Variants in JMJD1C observed in about 807,000 individuals in gnomAD.
JMJD1C encodes the protein jumonji domain-containing protein 1C.
A neutral mutation model predicts 245.3 loss-of-function variants in JMJD1C; 31 were observed. The observed-to-expected ratio is 0.13, with a 90% confidence interval of 0.09 to 0.17. The LOEUF is 0.17. Ranked by LOEUF, JMJD1C falls within the 10% of genes least tolerant of loss-of-function variation. The pLI is 1.00. For missense variants in JMJD1C, 2,691 were observed against 3,000.2 expected, an observed-to-expected ratio of 0.90 and a Z score of 2.41; for synonymous variants, 1,057 against 1,017.4, an observed-to-expected ratio of 1.04 and a Z score of -0.74.
chr10:63,475,159 T>C (rs1435251398), intron 1 of JMJD1C, among the ~76,000 whole-genome samples: 1 of 152,220 alleles, frequency 6.6e-6, no homozygotes, highest in African/African-American at 2.4e-5. Context: ...TCATTATTAC[T>C]TGCAACATAT....
chr10:63,289,140 G>T (rs186407014), intron 2 of JMJD1C, among the ~76,000 whole-genome samples: 269 of 152,050 alleles, frequency 1.8e-3, no homozygotes, highest in Middle Eastern at 3.4e-3. Context: ...AGTACACATG[G>T]ATAATACCAT....
rs935276855 is a variant in JMJD1C at position 63,202,252 on chromosome 10, T to C, written c.5075-1575A>G. ...CTGGGTGACGGAGTAAGACTCTGTC[T>C]AAAAATATATATAAATAAAAGCAAG... On this transcript the variant is annotated intron_variant, in intron 10 of 25. Transcript: ENST00000399262. 8.3e-6 allele frequency: 8 copies of C among 968,024 alleles called. No homozygotes were observed. In the South Asian group the frequency reaches 2.9e-4, roughly 35 times the overall value. 60.0% of individuals were successfully genotyped at this position (968,024 alleles called of 1,614,324 possible). A position where few individuals can be genotyped will look rare whatever the true frequency, so the allele number is the denominator to read the frequency against.
intron 13 of JMJD1C, chr10:63,194,753 G>GACA (rs1564584357): frequency 1.1e-5 from 2 of 175,282 alleles, no homozygotes; most frequent in African/African-American, 4.8e-5. Flanking sequence ...ACATCAGACT[G>GACA]ACACAGTTTG....
intron 2 of JMJD1C, among the ~76,000 whole-genome samples, chr10:63,288,381 T>G (rs1858226070): frequency 6.6e-6 from 1 of 152,230 alleles, no homozygotes; most frequent in Non-Finnish European, 1.5e-5. Flanking sequence ...ACAGCTTATT[T>G]ACATATTCAC....
intron 10 of JMJD1C, among the ~76,000 whole-genome samples, chr10:63,201,008 A>T (rs1176940214): frequency 2.0e-5 from 3 of 152,212 alleles, no homozygotes; most frequent in Non-Finnish European, 4.4e-5. Flanking sequence ...TTCTGTGTAT[A>T]TCAATAACTG....
intron 1 of JMJD1C, among the ~76,000 whole-genome samples, chr10:63,519,341 A>G (rs1290220892): frequency 6.6e-6 from 1 of 152,242 alleles, no homozygotes; most frequent in African/African-American, 2.4e-5. Flanking sequence ...GATGACCTCC[A>G]AAGTAAAAAG....
intron 22 of JMJD1C, 123 bp from the exon 23 acceptor site, chr10:63,177,979 C>T: frequency 9.8e-7 from 1 of 1,019,278 alleles, no homozygotes; most frequent in Admixed American, 2.8e-5. Flanking sequence ...CTTTTTTGGT[C>T]ACCCAGGCTG....
chr10:63,371,145 AT>A (rs71025167), intron 2 of JMJD1C, among the ~76,000 whole-genome samples: 148 of 142,694 alleles, frequency 1.0e-3, no homozygotes, highest in Admixed American at 1.1e-3. Context: ...CAATAGGCTA[AT>A]TTTTTTTTTT....
chr10:63,360,967 ATTAAATACT>A (rs1234926530), intron 2 of JMJD1C, among the ~76,000 whole-genome samples: 1 of 152,132 alleles, frequency 6.6e-6, no homozygotes, highest in Non-Finnish European at 1.5e-5. Flanking sequence ...TATAGTTTCC[ATTAAATACT>A]TTCAATTGTT....
At chr10:63,485,575 AG>A (rs1229003153) in intron 1 of JMJD1C, among the ~76,000 whole-genome samples, 1 of 152,230 alleles carries the variant, frequency 6.6e-6, no homozygotes, top group African/African-American at 2.4e-5. Flanking sequence ...ATTAACAAAG[AG>A]GTATTAAAAA....
At chr10:63,520,612 T>C (rs1955183238) in intron 1 of JMJD1C, among the ~76,000 whole-genome samples, 1 of 152,160 alleles carries the variant, frequency 6.6e-6, no homozygotes, top group South Asian at 2.1e-4. Flanking sequence ...GTTGTAAATC[T>C]TACAGCTGTA....
At chr10:63,212,706 G>A (rs1042934815) in intron 8 of JMJD1C, among the ~76,000 whole-genome samples, 4 of 151,930 alleles carry the variant, frequency 2.6e-5, no homozygotes, top group African/African-American at 9.7e-5. Context: ...CATACATCTG[G>A]AGAATATAAC....
intron 2 of JMJD1C, among the ~76,000 whole-genome samples, chr10:63,326,190 G>A (rs924613917): frequency 2.6e-5 from 4 of 152,056 alleles, no homozygotes; most frequent in Admixed American, 1.3e-4. Flanking sequence ...CACAGTGAAA[G>A]CCGTGTTTAA....
chr10:63,195,309 G>A lies in JMJD1C; in HGVS notation c.5645-934C>T, dbSNP rs568940736. Among the ~76,000 whole-genome samples the A allele has an allele frequency of 1.1e-4, 16 of 148,932 alleles. 1 individual carries two copies. The highest frequency in any genetic ancestry group is 4.0e-4 in the Admixed American group (6 of 14,874). On this transcript the variant is annotated intron_variant, in intron 13 of 25. Coordinates refer to ENST00000399262, the MANE Select transcript of JMJD1C (RefSeq NM_032776.3). ...GTGCAGGTTGCAGCAAGCCGAGATCGCGCCATTGCACTCCAGCCTGGGTGA... is the reference window on the plus strand; with the variant it reads ...GTGCAGGTTGCAGCAAGCCGAGATCACGCCATTGCACTCCAGCCTGGGTGA...
intron 24 of JMJD1C, among the ~76,000 whole-genome samples, chr10:63,173,807 G>A (rs1345342599): frequency 1.3e-5 from 2 of 148,550 alleles, no homozygotes; most frequent in African/African-American, 2.5e-5. Flanking sequence ...CACATTATCA[G>A]ATAAAAGACA....
At chr10:63,374,336 AAG>A (rs1946548276) in intron 2 of JMJD1C, among the ~76,000 whole-genome samples, 1 of 152,212 alleles carries the variant, frequency 6.6e-6, no homozygotes, top group Non-Finnish European at 1.5e-5. Context: ...TTAGCAGAGA[AAG>A]AGTAACATTC....
intron 1 of JMJD1C, among the ~76,000 whole-genome samples, chr10:63,485,229 T>A (rs1394659214): frequency 2.6e-5 from 4 of 152,174 alleles, no homozygotes; most frequent in Admixed American, 6.5e-5. Context: ...TGTCTGTTTT[T>A]GAAATGAAAC....
intron 3 of JMJD1C, among the ~76,000 whole-genome samples, chr10:63,235,523 C>G (rs1165118298): frequency 3.3e-5 from 5 of 152,036 alleles, no homozygotes; most frequent in African/African-American, 1.2e-4. Context: ...GAAAGAAAAT[C>G]AGCATGAACA....
chr10:63,480,367 T>C (rs961525257), intron 1 of JMJD1C, among the ~76,000 whole-genome samples: 1 of 151,772 alleles, frequency 6.6e-6, no homozygotes, highest in Admixed American at 6.6e-5. Flanking sequence ...TACCCAGGCT[T>C]GAGTGCAGTG....
Sources: gnomAD v4.1 joint callset for allele counts (sites outside exome capture counted in the v4.1 genomes callset) on GRCh38, gnomAD v4.1.1 for gene constraint, MANE v1.5 for transcripts, NCBI Gene and HGNC (gene_info 2026-07-23, HGNC 2026-07-21) for gene names.